The following FCHSD2 variants were observed in gnomAD, a reference collection of about 807,000 sequenced individuals.
FCHSD2 encodes the protein F-BAR and double SH3 domains protein 2.
FCHSD2 carries 38 observed loss-of-function variants against 108.1 expected under a neutral mutation model. The observed-to-expected ratio is 0.35, with a 90% CI of 0.27 to 0.46. FCHSD2 has a LOEUF of 0.46. Ranked by LOEUF, FCHSD2 falls within the 20% of genes least tolerant of loss-of-function variation. The pLI is 1.00. For synonymous variants in FCHSD2, 279 were observed against 314.7 expected (o/e 0.89, Z 1.20); for missense variants, 751 against 897.8 (o/e 0.84, Z 2.09).
intron 9 of FCHSD2, among the ~76,000 whole-genome samples, chr11:72,910,253 C>A (rs1232645953): frequency 6.6e-6 from 1 of 152,014 alleles, no homozygotes; most frequent in Non-Finnish European, 1.5e-5. Context: ...GAGCCTCTGC[C>A]CGGCCACCCC....
chr11:73,082,510 C>G (rs1195617845), intron 3 of FCHSD2, among the ~76,000 whole-genome samples: 1 of 151,770 alleles, frequency 6.6e-6, no homozygotes, highest in South Asian at 2.1e-4. Flanking sequence ...TGATTTTCTT[C>G]TAAGATTATC....
chr11:73,084,485 G>A (rs915723633), intron 2 of FCHSD2, among the ~76,000 whole-genome samples: 5 of 152,008 alleles, frequency 3.3e-5, no homozygotes, highest in Non-Finnish European at 7.4e-5. Context: ...TTAATTCCTG[G>A]GCTCAAGAGA....
intron 13 of FCHSD2, among the ~76,000 whole-genome samples, chr11:72,866,908 G>C (rs1421721788): frequency 6.6e-6 from 1 of 152,180 alleles, no homozygotes; most frequent in African/African-American, 2.4e-5. Flanking sequence ...TGGGAGGTTA[G>C]AGTTTTAGCT....
At chr11:72,992,601 C>T (rs1191460973) in intron 5 of FCHSD2, among the ~76,000 whole-genome samples, 1 of 152,118 alleles carries the variant, frequency 6.6e-6, no homozygotes, top group Non-Finnish European at 1.5e-5. Context: ...AGAAATAATG[C>T]CACATATCTA....
chr11:72,915,945 C>A lies in FCHSD2; in HGVS notation c.828+5883G>T, dbSNP rs1169575267. Among the ~76,000 whole-genome samples the A allele has an allele frequency of 3.3e-5, 5 of 152,276 alleles. No homozygotes were observed. The South Asian group carries it at 8.3e-4, about 25-fold the overall frequency. ...CATGAATGGAGCTGGAGGCCACTAT[C>A]CTTAGCAAACTAATGTAGGAACAGA... On this transcript the variant is annotated intron_variant, in intron 9 of 19. Transcript: ENST00000409418.
At chr11:73,016,825 A>G (rs984586547) in intron 3 of FCHSD2, among the ~76,000 whole-genome samples, 2 of 152,234 alleles carry the variant, frequency 1.3e-5, no homozygotes, top group Non-Finnish European at 2.9e-5. Context: ...TATTATCTAC[A>G]CAACACAAAT....
At chr11:72,884,053 A>G (rs1028381086) in intron 12 of FCHSD2, among the ~76,000 whole-genome samples, 3 of 152,146 alleles carry the variant, frequency 2.0e-5, no homozygotes, top group African/African-American at 7.2e-5. Context: ...AAGAATCTTT[A>G]TCATGGAAAG....
intron 8 of FCHSD2, among the ~76,000 whole-genome samples, chr11:72,954,584 A>C (rs1356401223): frequency 6.6e-6 from 1 of 152,062 alleles, no homozygotes; most frequent in Admixed American, 6.6e-5. Flanking sequence ...TGACACTAAT[A>C]CTTTTAGCTT....
In FCHSD2 at chr11:73,053,229, C is replaced by T. The variant is rs11235645; in HGVS notation, c.165+30466G>A. Among the ~76,000 whole-genome samples, 520 of 146,886 alleles carry T rather than the reference C, an allele frequency of 3.5e-3. 33 individuals carry two copies. The East Asian group carries it at 0.1, about 30-fold the overall frequency. On this transcript the variant is annotated intron_variant, in intron 3 of 19. Coordinates refer to ENST00000409418, the MANE Select transcript of FCHSD2 (RefSeq NM_014824.3). ...TGGTATATTTGTTGAAAAATTATCA[C>T]TAACCTTACAAATTTGATAAAAACA...
Position 72,897,319 on chromosome 11 carries a change from TAA to T in FCHSD2, c.924+5222_924+5223del, listed in dbSNP as rs140771439. Among the ~76,000 whole-genome samples, 383 of 124,810 alleles carry T rather than the reference TAA, an allele frequency of 3.1e-3. 1 individual carries two copies. The highest frequency in any genetic ancestry group is 8.1e-3 in the Middle Eastern group (2 of 246). 81.9% of individuals were successfully genotyped at this position (124,810 alleles called of 152,430 possible). ...GATCAAAAATATTTTTTAAAAAGAGTAAAAAAAAAAAAAAAAAAGGATAGTTG... is the reference window on the plus strand; with the variant it reads ...GATCAAAAATATTTTTTAAAAAGAGTAAAAAAAAAAAAAAAAGGATAGTTG... On this transcript the variant is annotated intron_variant, in intron 10 of 19. Coordinates refer to ENST00000409418, the MANE Select transcript of FCHSD2 (RefSeq NM_014824.3).
rs147433955 is a variant in FCHSD2 at position 73,115,385 on chromosome 11, G to A, written c.119+24646C>T. 4.6e-3 allele frequency among the ~76,000 whole-genome samples: 703 copies of A among 152,302 alleles called. 2 individuals carry two copies. Among genetic ancestry groups the A allele is most frequent in the African/African-American group, 0.016 (681 of 41,564 alleles). ...TTTTTAGCAGAGATGGGGTTTCACT[G>A]TGTTAGCTAGGATAGTCTCGTTCTC... On this transcript the variant is annotated intron_variant, in intron 2 of 19. Transcript: ENST00000409418.
chr11:72,991,848 C>A (rs1356178267), intron 5 of FCHSD2, among the ~76,000 whole-genome samples: 1 of 152,142 alleles, frequency 6.6e-6, no homozygotes, highest in African/African-American at 2.4e-5. Flanking sequence ...TGAAAACTGG[C>A]ACAAGACAGG....
intron 5 of FCHSD2, among the ~76,000 whole-genome samples, chr11:72,991,499 A>C (rs915424702): frequency 2.5e-4 from 38 of 152,150 alleles, no homozygotes; most frequent in African/African-American, 8.7e-4. Context: ...CAGCACACCA[A>C]AAGCTTATCC....
chr11:72,927,559 G>A (rs921324193), intron 8 of FCHSD2, among the ~76,000 whole-genome samples: 1 of 152,112 alleles, frequency 6.6e-6, no homozygotes, highest in African/African-American at 2.4e-5. Flanking sequence ...AAACAATAAA[G>A]TCTGATTAAA....
intron 18 of FCHSD2, 37 bp downstream of exon 18, chr11:72,841,417 A>C: frequency 3.1e-6 from 5 of 1,594,300 alleles, no homozygotes; most frequent in Non-Finnish European, 4.3e-6. Context: ...TTCTGAAGTG[A>C]AAATGCATTT....
intron 8 of FCHSD2, among the ~76,000 whole-genome samples, chr11:72,965,260 A>C (rs1856886892): frequency 6.6e-6 from 1 of 152,236 alleles, no homozygotes; most frequent in African/African-American, 2.4e-5. Flanking sequence ...TTCTATCTGT[A>C]GCCCAGAATT....
At chr11:72,955,624 G>C (rs1183973146) in intron 8 of FCHSD2, among the ~76,000 whole-genome samples, 1 of 152,052 alleles carries the variant, frequency 6.6e-6, no homozygotes, top group Non-Finnish European at 1.5e-5. Flanking sequence ...CCCACTAAGA[G>C]TTACTTCATT....
Position 72,913,833 on chromosome 11 carries a change from A to C in FCHSD2, c.828+7995T>G, listed in dbSNP as rs12226295. On this transcript the variant is annotated intron_variant, in intron 9 of 19. Coordinates refer to ENST00000409418, the MANE Select transcript of FCHSD2 (RefSeq NM_014824.3). ...AAAACCAAAAAAAACCCAAAAAAAA[A>C]ACAAAAAAAAAAACCCTAGAAATAC... 5.6e-3 allele frequency among the ~76,000 whole-genome samples: 803 copies of C among 144,328 alleles called. 5 individuals are homozygous for C. The highest frequency in any genetic ancestry group is 0.014 in the African/African-American group (556 of 39,240). 94.7% of individuals were successfully genotyped at this position (144,328 alleles called of 152,430 possible). A position where few individuals can be genotyped will look rare whatever the true frequency, so the allele number is the denominator to read the frequency against.
intron 8 of FCHSD2, among the ~76,000 whole-genome samples, chr11:72,982,011 C>G (rs1422846839): frequency 6.6e-6 from 1 of 152,096 alleles, no homozygotes. Flanking sequence ...ACACCTAAAC[C>G]TCTAGGTCTA....
Sources: allele counts gnomAD v4.1 joint callset (sites outside exome capture counted in the v4.1 genomes callset), GRCh38; gene constraint gnomAD v4.1.1; transcripts MANE v1.5; gene names NCBI Gene and HGNC (gene_info 2026-07-23, HGNC 2026-07-21).